Variants in ECHDC3 observed in about 807,000 individuals in gnomAD.
ECHDC3 encodes the protein enoyl-CoA hydratase domain containing 3, also known as enoyl-CoA hydratase domain-containing protein 3, mitochondrial.
A neutral mutation model predicts 17.9 loss-of-function variants in ECHDC3; 20 were observed. The ratio of observed to expected loss-of-function variants is 1.12; its 90% CI spans 0.79 to 1.63. ECHDC3 has a LOEUF of 1.63. Among genes scored for constraint, ECHDC3 ranks in the 40% most tolerant of loss-of-function variants. ECHDC3 has a pLI of 0.00. For missense variants in ECHDC3, 407 were observed against 357.7 expected (o/e 1.14, Z -1.11); for synonymous variants, 177 against 149.7 (o/e 1.18, Z -1.33).
chr10:11,752,603 TAG>T (rs1832838919), intron 3 of ECHDC3, among the ~76,000 whole-genome samples: 1 of 152,172 alleles, frequency 6.6e-6, no homozygotes, highest in Non-Finnish European at 1.5e-5. Flanking sequence ...TAATCATATA[TAG>T]ATGAGATTAC....
chr10:11,748,941 G>T (rs969346587), intron 2 of ECHDC3, among the ~76,000 whole-genome samples: 1 of 152,202 alleles, frequency 6.6e-6, no homozygotes, highest in Admixed American at 6.5e-5. Context: ...CAGCTCATCA[G>T]TAGGATGACA....
At chr10:11,757,811 G>T (rs1385786136) in intron 4 of ECHDC3, among the ~76,000 whole-genome samples, 1 of 152,196 alleles carries the variant, frequency 6.6e-6, no homozygotes, top group Non-Finnish European at 1.5e-5. Context: ...GCCTTTGTTA[G>T]GTTTCTGGAT....
intron 4 of ECHDC3, among the ~76,000 whole-genome samples, chr10:11,761,868 A>G (rs1032245079): frequency 1.3e-5 from 2 of 152,084 alleles, no homozygotes; most frequent in African/African-American, 2.4e-5. Flanking sequence ...CTTCCCTCAT[A>G]AATATTTGAT....
chr10:11,763,583 G>A lies in ECHDC3; in HGVS notation c.*39G>A, dbSNP rs1257016840. On this transcript the variant is annotated 3_prime_UTR_variant, in exon 5 of 5. Transcript: ENST00000379215. The surrounding 1 kb of genome is among the most constrained non-coding windows in gnomAD (Gnocchi z 4.9). Reference sequence around the variant, plus strand: ...AGTGAGGCCCACGGGCAGCGCCCAGGAGCCCACCTTCCCCTCTGGCCCAGC... The same window carrying A: ...AGTGAGGCCCACGGGCAGCGCCCAGAAGCCCACCTTCCCCTCTGGCCCAGC... 4 of 1,456,512 alleles carry A rather than the reference G, an allele frequency of 2.7e-6. No individual in the cohort carries two copies. The highest frequency in any genetic ancestry group is 2.8e-5 in the African/African-American group (2 of 70,856). The allele number at this position is 1,456,512 out of a possible 1,614,324, so 90.2% of individuals were successfully genotyped here. A position where few individuals can be genotyped will look rare whatever the true frequency, so the allele number is the denominator to read the frequency against.
chr10:11,747,908 ATTTG>A (rs1436233112), intron 2 of ECHDC3, among the ~76,000 whole-genome samples: 1 of 152,202 alleles, frequency 6.6e-6, no homozygotes, highest in African/African-American at 2.4e-5. Flanking sequence ...TATTCTGCTA[ATTTG>A]TTTGCTTGCT....
chr10:11,742,792 G>A (rs1588460970), intron 1 of ECHDC3, 46 bp downstream of exon 1: 1 of 1,224,928 alleles, frequency 8.2e-7, no homozygotes, highest in Non-Finnish European at 1.0e-6. Flanking sequence ...GCCGAGTCGG[G>A]GTCAGGGCGC....
intron 1 of ECHDC3, 123 bp downstream of exon 1, chr10:11,742,869 C>A: frequency 9.1e-7 from 1 of 1,104,894 alleles, no homozygotes. Flanking sequence ...GGGAACTCCC[C>A]GTGTCCCGGA....
intron 4 of ECHDC3, among the ~76,000 whole-genome samples, chr10:11,757,808 T>C (rs188849683): frequency 6.6e-6 from 1 of 152,364 alleles, no homozygotes; most frequent in East Asian, 1.9e-4. Flanking sequence ...AATGCCTTTG[T>C]TAGGTTTCTG....
At chr10:11,746,658 G>A (rs1041974451) in intron 1 of ECHDC3, among the ~76,000 whole-genome samples, 4 of 151,968 alleles carry the variant, frequency 2.6e-5, no homozygotes, top group Non-Finnish European at 2.9e-5. Flanking sequence ...AAATTGGGTC[G>A]GGCATGGTGG....
In ECHDC3 at chr10:11,763,628, C is replaced by T; in HGVS notation, c.*84C>T. On this transcript the variant is annotated 3_prime_UTR_variant, in exon 5 of 5. Transcript: ENST00000379215. This position sits in a 1 kb window ranked among gnomAD's most constrained non-coding sequence, Gnocchi z 4.9. ...CCCAGCCACCACTGCCTCTCAGCTT[C>T]AACAGGTGACAGGCTGCTTTCGTGA... 7.0e-7 allele frequency: 1 copy of T among 1,435,678 alleles called. No individual in the cohort carries two copies. The allele number at this position is 1,435,678 out of a possible 1,614,324, so 88.9% of individuals were successfully genotyped here. A position where few individuals can be genotyped will look rare whatever the true frequency, so the allele number is the denominator to read the frequency against.
At chr10:11,759,624 G>A (rs970720497) in intron 4 of ECHDC3, among the ~76,000 whole-genome samples, 2 of 152,188 alleles carry the variant, frequency 1.3e-5, no homozygotes, top group African/African-American at 4.8e-5. Flanking sequence ...ATGCAAAGGG[G>A]CATGACGTGG....
chr10:11,748,189 G>A (rs968069307), intron 2 of ECHDC3, among the ~76,000 whole-genome samples: 1 of 151,826 alleles, frequency 6.6e-6, no homozygotes, highest in Non-Finnish European at 1.5e-5. Flanking sequence ...GCAGCCATGT[G>A]GGATGTTACC....
chr10:11,748,018 A>G (rs1832781080), intron 2 of ECHDC3, among the ~76,000 whole-genome samples: 1 of 152,242 alleles, frequency 6.6e-6, no homozygotes, highest in Non-Finnish European at 1.5e-5. Flanking sequence ...ACAAAAAAAT[A>G]TGATGATGAT....
intron 3 of ECHDC3, among the ~76,000 whole-genome samples, chr10:11,750,022 C>T (rs1301960880): frequency 3.3e-5 from 5 of 152,026 alleles, no homozygotes; most frequent in Non-Finnish European, 7.4e-5. Context: ...TCTCAAACTC[C>T]TGACCTCAGA....
At chr10:11,760,760 G>A (rs940466477) in intron 4 of ECHDC3, among the ~76,000 whole-genome samples, 3 of 152,220 alleles carry the variant, frequency 2.0e-5, no homozygotes, top group Non-Finnish European at 4.4e-5. Flanking sequence ...CAGGGGCAGA[G>A]ATGGAGCAGA....
chr10:11,760,114 T>C (rs1322569168), intron 4 of ECHDC3, among the ~76,000 whole-genome samples: 2 of 152,204 alleles, frequency 1.3e-5, no homozygotes, highest in Non-Finnish European at 2.9e-5. Flanking sequence ...GGACAATTTT[T>C]CCCCCAGCCT....
intron 3 of ECHDC3, 49 bp from the exon 4 acceptor site, chr10:11,755,359 G>A (rs1400979869): frequency 2.0e-6 from 2 of 996,114 alleles, no homozygotes; most frequent in African/African-American, 1.6e-5. Flanking sequence ...AGGCGTTAAT[G>A]TCGTGCCTCC....
chr10:11,759,468 G>A (rs1236942759), intron 4 of ECHDC3, among the ~76,000 whole-genome samples: 2 of 152,012 alleles, frequency 1.3e-5, no homozygotes, highest in African/African-American at 4.8e-5. Context: ...CCAGGAGGCA[G>A]GTCCTCACCA....
At chr10:11,754,348 A>G (rs1277944925) in intron 3 of ECHDC3, among the ~76,000 whole-genome samples, 2 of 152,192 alleles carry the variant, frequency 1.3e-5, no homozygotes, top group East Asian at 3.9e-4. Flanking sequence ...CACTTTAGAA[A>G]TTGAAGTTAC....
Sources: gnomAD v4.1 joint callset for allele counts (sites outside exome capture counted in the v4.1 genomes callset) on GRCh38, gnomAD v4.1.1 for gene constraint, Gnocchi (gnomAD v3.1) non-coding constraint, MANE v1.5 for transcripts, NCBI Gene and HGNC (gene_info 2026-07-23, HGNC 2026-07-21) for gene names.